The following FSTL5 variants were observed in gnomAD, a reference collection of about 807,000 sequenced individuals.
FSTL5 encodes follistatin like 5.
A neutral mutation model predicts 89.1 loss-of-function variants in FSTL5; 62 were observed. The observed-to-expected ratio is 0.70, with a 90% confidence interval of 0.57 to 0.86. The LOEUF (loss-of-function observed/expected upper bound fraction) is 0.86, where lower values mean the gene tolerates loss of function less well. Ranked by LOEUF, FSTL5 falls within the 40% of genes least tolerant of loss-of-function variation. The pLI, the probability that FSTL5 is intolerant of heterozygous loss-of-function variation, is 0.00. For synonymous variants in FSTL5, 383 were observed against 346.2 expected, an observed-to-expected ratio of 1.11 and a Z score of -1.18; for missense variants, 1,057 against 1,001.6, an observed-to-expected ratio of 1.06 and a Z score of -0.75.
chr4:161,574,420 T>TGTGC (rs1733140165), intron 8 of FSTL5, among the ~76,000 whole-genome samples: 3 of 151,740 alleles, frequency 2.0e-5, no homozygotes, highest in Non-Finnish European at 1.5e-5. Context: ...TAGTTATACA[T>TGTGC]GTGCCAGCGT....
chr4:162,124,796 T>C (rs1053860065), intron 1 of FSTL5, among the ~76,000 whole-genome samples: 1 of 152,062 alleles, frequency 6.6e-6, no homozygotes, highest in African/African-American at 2.4e-5. Context: ...GCCCTCCGGG[T>C]TCACGCCATT....
intron 1 of FSTL5, among the ~76,000 whole-genome samples, chr4:162,135,907 A>G (rs887237275): frequency 2.0e-5 from 3 of 152,020 alleles, no homozygotes; most frequent in African/African-American, 7.2e-5. Context: ...TTTGTTCTCT[A>G]TACACATTTT....
At chr4:161,630,342 C>A (rs1735463452) in intron 7 of FSTL5, among the ~76,000 whole-genome samples, 1 of 152,156 alleles carries the variant, frequency 6.6e-6, no homozygotes, top group Non-Finnish European at 1.5e-5. Flanking sequence ...TTGACTGTTG[C>A]TTTCGTCTTG....
chr4:161,459,393 G>A, intron 13 of FSTL5, 74 bp from the exon 14 acceptor site: 2 of 742,946 alleles, frequency 2.7e-6, no homozygotes, highest in East Asian at 2.7e-5. Flanking sequence ...AAATTATGAA[G>A]ATTCTAATTT....
chr4:162,153,243 T>C (rs1274746554), intron 1 of FSTL5, among the ~76,000 whole-genome samples: 1 of 152,076 alleles, frequency 6.6e-6, no homozygotes, highest in Non-Finnish European at 1.5e-5. Flanking sequence ...GATAAAAACA[T>C]ACCCTTTTTA....
chr4:161,799,334 T>A (rs2126827664), intron 4 of FSTL5, among the ~76,000 whole-genome samples: 1 of 151,816 alleles, frequency 6.6e-6, no homozygotes, highest in South Asian at 2.1e-4. Flanking sequence ...AGAGATCCAA[T>A]AAAATATTAA....
chr4:162,153,718 A>AATAATATATATGTATATTATATATGTAT, intron 1 of FSTL5, among the ~76,000 whole-genome samples: 1 of 133,850 alleles, frequency 7.5e-6, no homozygotes, highest in African/African-American at 2.8e-5. Context: ...ATATGTATAT[A>AATAATATATATGTATATTATATATGTAT]ATAATATATG....
intron 4 of FSTL5, among the ~76,000 whole-genome samples, chr4:161,881,181 A>C (rs530856309): frequency 1.3e-5 from 2 of 148,790 alleles, no homozygotes; most frequent in South Asian, 4.2e-4. Context: ...TATTAATATT[A>C]ATATATTTAA....
intron 3 of FSTL5, among the ~76,000 whole-genome samples, chr4:162,011,065 C>G (rs1736752696): frequency 1.3e-5 from 2 of 152,074 alleles, no homozygotes; most frequent in Non-Finnish European, 2.9e-5. Flanking sequence ...TTTACAGATG[C>G]CCCACGAAGG....
At chr4:161,773,636 C>T (rs1741288773) in intron 5 of FSTL5, among the ~76,000 whole-genome samples, 1 of 152,088 alleles carries the variant, frequency 6.6e-6, no homozygotes, top group African/African-American at 2.4e-5. Context: ...ATCAAAATCA[C>T]CATGTGATAC....
In FSTL5 at chr4:161,649,147, AG is replaced by A. The variant is rs200141864; in HGVS notation, c.894+7180del. ...CTGAACCAGATGTTCAGATGACTAG[AG>A]GCAAAAATTTGGTCTAATTCAAACC... On this transcript the variant is annotated intron_variant, in intron 7 of 15. Transcript: ENST00000306100. 4.2e-4 allele frequency among the ~76,000 whole-genome samples: 64 copies of A among 152,300 alleles called. 1 individual carries two copies. In the East Asian group the frequency reaches 0.011, roughly 27 times the overall value.
At chr4:161,738,925 C>T (rs1445593752) in intron 6 of FSTL5, among the ~76,000 whole-genome samples, 2 of 152,092 alleles carry the variant, frequency 1.3e-5, no homozygotes, top group East Asian at 1.9e-4. Context: ...TTTTAAAGTG[C>T]TTTATTATTT....
In FSTL5 at chr4:161,556,695, T is replaced by G. The variant is rs138527913; in HGVS notation, c.1016-14002A>C. On this transcript the variant is annotated intron_variant, in intron 8 of 15. Transcript: ENST00000306100. ...GATAAAAATTACTAATATTAGATAA[T>G]TTTGCTCAGGAAGTTTTATTGCAAA... is the stretch of plus-strand genomic sequence containing the variant. 7.7e-3 allele frequency among the ~76,000 whole-genome samples: 1,173 copies of G among 151,410 alleles called. 14 individuals carry two copies. The highest frequency in any genetic ancestry group is 0.027 in the African/African-American group (1,113 of 41,434).
At chr4:162,024,798 T>A (rs971013655) in intron 3 of FSTL5, among the ~76,000 whole-genome samples, 5 of 152,112 alleles carry the variant, frequency 3.3e-5, no homozygotes, top group African/African-American at 1.2e-4. Context: ...ACTACACACC[T>A]GCCACCATGC....
intron 4 of FSTL5, among the ~76,000 whole-genome samples, chr4:161,890,517 G>C (rs886806322): frequency 4.0e-5 from 6 of 151,660 alleles, no homozygotes; most frequent in African/African-American, 1.5e-4. Context: ...GTGAAACCCC[G>C]TCTCTACTAA....
chr4:161,712,152 T>C (rs1180751395), intron 6 of FSTL5, among the ~76,000 whole-genome samples: 1 of 152,172 alleles, frequency 6.6e-6, no homozygotes, highest in Non-Finnish European at 1.5e-5. Context: ...GCATAAGGCA[T>C]TTCCTTTTTG....
rs1468613904 is a variant in FSTL5 at position 161,544,683 on chromosome 4, TCTAGA to T, written c.1016-1995_1016-1991del. Among the ~76,000 whole-genome samples the T allele has an allele frequency of 3.9e-5, 6 of 151,990 alleles. 1 individual carries two copies. Among genetic ancestry groups the T allele is most frequent in the Non-Finnish European group, 7.4e-5 (5 of 67,914 alleles). On this transcript the variant is annotated intron_variant, in intron 8 of 15. Coordinates refer to ENST00000306100, the MANE Select transcript of FSTL5 (RefSeq NM_020116.5). ...AAGGCAAAGGAGGCTAATGAAACAC[TCTAGA>T]CTAAAAAAAGATGAGTTATAAGAAA...
intron 10 of FSTL5, among the ~76,000 whole-genome samples, chr4:161,523,896 A>C (rs932419310): frequency 6.6e-6 from 1 of 152,200 alleles, no homozygotes; most frequent in African/African-American, 2.4e-5. Flanking sequence ...TATGTAAAAA[A>C]TAATTTTTAC....
At chr4:162,092,929 CAG>C (rs1730603160) in intron 2 of FSTL5, among the ~76,000 whole-genome samples, 1 of 109,066 alleles carries the variant, frequency 9.2e-6, no homozygotes, top group African/African-American at 3.7e-5. Context: ...GCCTGGGTGA[CAG>C]AGCGAGACTC....
Sources: gnomAD v4.1 joint callset for allele counts (sites outside exome capture counted in the v4.1 genomes callset) on GRCh38, gnomAD v4.1.1 for gene constraint, MANE v1.5 for transcripts, NCBI Gene and HGNC (gene_info 2026-07-23, HGNC 2026-07-21) for gene names.